CLCN5: variants seen among roughly 807,000 people sequenced by gnomAD.
CLCN5 encodes the protein Cl-/H+ antiporter 5, also known as H(+)/Cl(-) exchange transporter 5.
A neutral mutation model predicts 54.0 loss-of-function variants in CLCN5; 17 were observed. That is an observed-to-expected ratio of 0.31 (90% confidence interval 0.22 to 0.47). The LOEUF is 0.47. CLCN5 is among the 20% of genes least tolerant of loss of function. CLCN5 has a pLI of 1.00. For missense variants in CLCN5, 448 were observed against 646.7 expected, an observed-to-expected ratio of 0.69 and a Z score of 3.33; for synonymous variants, 222 against 233.0, an observed-to-expected ratio of 0.95 and a Z score of 0.43.
chrX:49,951,685 G>A (rs1927047383), intron 3 of CLCN5, among the ~76,000 whole-genome samples: 1 of 112,023 alleles, frequency 8.9e-6, no homozygotes, highest in South Asian at 3.7e-4. Flanking sequence ...GGTGACATTT[G>A]AGCTGGTTGG....
At chrX:50,003,400 G>A (rs1929982665) in intron 3 of CLCN5, 1 of 344,954 alleles carries the variant, frequency 2.9e-6, no homozygotes, top group African/African-American at 2.6e-5. Flanking sequence ...TTACCCATCA[G>A]CACTCCTGTG....
At chrX:50,087,895 T>C (rs1228858755) in intron 11 of CLCN5, among the ~76,000 whole-genome samples, 3 of 112,167 alleles carry the variant, frequency 2.7e-5, no homozygotes, top group Non-Finnish European at 5.6e-5. Flanking sequence ...CTTATCATCA[T>C]TTCCCTCTCT....
intron 3 of CLCN5, chrX:50,013,312 A>G (rs1930616851): frequency 2.7e-6 from 1 of 369,856 alleles, no homozygotes; most frequent in African/African-American, 2.7e-5. Context: ...TGCATGGATT[A>G]CAGGAGGGTG....
At chrX:49,928,524 C>T (rs1925467859) in intron 3 of CLCN5, among the ~76,000 whole-genome samples, 2 of 112,070 alleles carry the variant, frequency 1.8e-5, no homozygotes, top group Admixed American at 1.9e-4. Flanking sequence ...TGGGGTGGGA[C>T]TGGGACCTTG....
chrX:50,086,661 A>G lies in CLCN5; in HGVS notation c.1348A>G (p.Ser450Gly). 1 of 1,210,836 alleles carries G rather than the reference A, an allele frequency of 8.3e-7. No homozygotes were observed. The highest frequency in any genetic ancestry group is 3.0e-5 in the East Asian group (1 of 33,799). Residue 450 changes from serine to glycine, a missense_variant, in exon 11 of 15, where the codon AGC becomes GGC. Around this residue, in one of 5 missense-constraint regions of CLCN5, gnomAD observed 297 missense variants for 470.4 expected, o/e 0.63. Transcript: ENST00000376091. ...LAFPNEYTRM[S>G]TSELISELFN... ...TTTCCCCAATGAATACACTCGGATG[A>G]GCACAAGTGAGCTCATTTCTGAGCT... is the stretch of plus-strand genomic sequence containing the variant.
intron 4 of CLCN5, among the ~76,000 whole-genome samples, chrX:50,063,042 C>T (rs1216480620): frequency 9.1e-6 from 1 of 110,151 alleles, no homozygotes; most frequent in African/African-American, 3.4e-5. Flanking sequence ...ACTAAATGCG[C>T]ACAAGAGAAA....
chrX:49,948,208 T>C (rs1429842190), intron 3 of CLCN5, among the ~76,000 whole-genome samples: 1 of 108,977 alleles, frequency 9.2e-6, no homozygotes, highest in Non-Finnish European at 1.9e-5. Flanking sequence ...CACAATTACA[T>C]GTTCCTATTA....
chrX:49,989,153 G>A (rs1183817702), intron 3 of CLCN5, among the ~76,000 whole-genome samples: 1 of 108,306 alleles, frequency 9.2e-6, no homozygotes, highest in African/African-American at 3.4e-5. Flanking sequence ...GCTCACTGCA[G>A]CCTGGAACTC....
chrX:50,074,644 C>T (rs782371246), intron 6 of CLCN5, among the ~76,000 whole-genome samples: 9 of 112,531 alleles, frequency 8.0e-5, no homozygotes, highest in African/African-American at 2.3e-4. Context: ...CCTACCAAAA[C>T]ATACACGACA....
intron 3 of CLCN5, among the ~76,000 whole-genome samples, chrX:49,955,439 C>T (rs1927269308): frequency 9.1e-6 from 1 of 109,992 alleles, no homozygotes. Context: ...AGTCACCCCC[C>T]AGCCCATGAG....
intron 3 of CLCN5, among the ~76,000 whole-genome samples, chrX:50,040,484 C>T (rs1256868241): frequency 8.9e-6 from 1 of 111,974 alleles, no homozygotes; most frequent in Non-Finnish European, 1.9e-5. Flanking sequence ...TTCACATTTG[C>T]ACAGATTTCA....
In CLCN5 at chrX:50,080,585, CT is replaced by C; in HGVS notation, c.604-8del. ...GGCTAAAACAAGCTTCTTTTTCCCCCTGTTCCAGGGAGCCTTTGCCTACATA... is the reference window on the plus strand; with the variant it reads ...GGCTAAAACAAGCTTCTTTTTCCCCCGTTCCAGGGAGCCTTTGCCTACATA... On this transcript the variant is annotated splice_region_variant and splice_polypyrimidine_tract_variant and intron_variant, in intron 7 of 14. Coordinates refer to ENST00000376091, the MANE Select transcript of CLCN5 (RefSeq NM_001127898.4). 1 of 1,207,947 alleles carries C rather than the reference CT, an allele frequency of 8.3e-7. No individual in the cohort carries two copies. Among genetic ancestry groups the C allele is most frequent in the Non-Finnish European group, 1.1e-6 (1 of 893,451 alleles).
rs201004916 is a variant in CLCN5 at position 49,939,113 on chromosome X, G to T, written c.16+13799G>T. On this transcript the variant is annotated intron_variant, in intron 3 of 14. Coordinates refer to ENST00000376091, the MANE Select transcript of CLCN5 (RefSeq NM_001127898.4). ...ATACCACCTCACACCAGTTAGAATG[G>T]CAATCATTAAAAAGTCAGGAAACAA... is the stretch of plus-strand genomic sequence containing the variant. 3.3e-3 allele frequency among the ~76,000 whole-genome samples: 366 copies of T among 111,768 alleles called. 7 individuals are homozygous for T. In the East Asian group the frequency reaches 0.044, roughly 13 times the overall value.
intron 3 of CLCN5, among the ~76,000 whole-genome samples, chrX:49,955,763 C>A (rs782050676): frequency 9.0e-6 from 1 of 111,513 alleles, no homozygotes; most frequent in Non-Finnish European, 1.9e-5. Context: ...GTAGAAATCT[C>A]AATTTATGTT....
chrX:50,028,922 T>A (rs1358699454), intron 3 of CLCN5, among the ~76,000 whole-genome samples: 2 of 111,993 alleles, frequency 1.8e-5, no homozygotes, highest in Non-Finnish European at 3.8e-5. Flanking sequence ...AGAACTAATT[T>A]TGTCTGTTCA....
At chrX:50,057,726 A>G (rs1266398039) in intron 4 of CLCN5, among the ~76,000 whole-genome samples, 1 of 106,055 alleles carries the variant, frequency 9.4e-6, no homozygotes, top group African/African-American at 3.4e-5. Flanking sequence ...TACTCCAACT[A>G]CATTTGCTTC....
At chrX:50,033,150 G>T (rs1158258708) in intron 3 of CLCN5, among the ~76,000 whole-genome samples, 1 of 111,227 alleles carries the variant, frequency 9.0e-6, no homozygotes, top group Non-Finnish European at 1.9e-5. Context: ...TCAACATAGT[G>T]TTGGAAGTTC....
chrX:49,939,688 A>G (rs1926222341), intron 3 of CLCN5, among the ~76,000 whole-genome samples: 1 of 111,003 alleles, frequency 9.0e-6, no homozygotes, highest in Admixed American at 9.6e-5. Flanking sequence ...TACCTAATGT[A>G]AATGATGAGT....
chrX:49,976,851 T>C (rs1694830500), intron 3 of CLCN5, among the ~76,000 whole-genome samples: 1 of 111,093 alleles, frequency 9.0e-6, no homozygotes, highest in Admixed American at 9.7e-5. Context: ...TTTGTTCTGC[T>C]TGAGGGGAGG....
Sources: allele counts gnomAD v4.1 joint callset (sites outside exome capture counted in the v4.1 genomes callset), GRCh38; gene constraint gnomAD v4.1.1; regional missense constraint gnomAD v4.1.1; transcripts MANE v1.5; gene names NCBI Gene and HGNC (gene_info 2026-07-23, HGNC 2026-07-21).